SELENOI: variants seen among roughly 807,000 people sequenced by gnomAD.
The protein encoded by SELENOI is selenoprotein I, also known as ethanolaminephosphotransferase 1.
Under a neutral mutation model 50.7 loss-of-function variants are expected in SELENOI, and 24 were observed. The observed-to-expected ratio is 0.47, with a 90% confidence interval of 0.34 to 0.67. The LOEUF (loss-of-function observed/expected upper bound fraction) is 0.67. Among genes scored for constraint, SELENOI ranks in the 30% least tolerant of loss-of-function variants. The pLI, the probability that SELENOI is intolerant of heterozygous loss-of-function variation, is 0.01. For missense variants in SELENOI, 352 were observed against 461.4 expected (o/e 0.76, Z 2.17); for synonymous variants, 155 against 170.2 (o/e 0.91, Z 0.70).
intron 1 of SELENOI, among the ~76,000 whole-genome samples, chr2:26,360,757 T>C (rs1366338732): frequency 6.6e-6 from 1 of 152,052 alleles, no homozygotes; most frequent in Non-Finnish European, 1.5e-5. Context: ...AGTAAAGGAG[T>C]GTAGGGCCCT....
intron 9 of SELENOI, among the ~76,000 whole-genome samples, chr2:26,386,952 G>A (rs1007267411): frequency 7.9e-5 from 12 of 152,072 alleles, no homozygotes; most frequent in African/African-American, 2.4e-4. Flanking sequence ...ACAAAATTTG[G>A]AAAGAAATGT....
chr2:26,377,692 C>T (rs1474471118), intron 6 of SELENOI, among the ~76,000 whole-genome samples: 2 of 151,616 alleles, frequency 1.3e-5, no homozygotes, highest in African/African-American at 4.8e-5. Context: ...TTTAAACTTT[C>T]TATTTCTCTG....
chr2:26,381,488 G>A (rs1460384967), intron 6 of SELENOI, among the ~76,000 whole-genome samples: 1 of 151,864 alleles, frequency 6.6e-6, no homozygotes, highest in Non-Finnish European at 1.5e-5. Context: ...CTTTCTACAT[G>A]CTCACTATAC....
chr2:26,386,251 G>A (rs933654339), intron 8 of SELENOI, 103 bp from the exon 9 acceptor site: 1 of 1,136,514 alleles, frequency 8.8e-7, no homozygotes, highest in Admixed American at 2.3e-5. Context: ...TGTTGGTTCA[G>A]GTACTTGAAT....
In SELENOI at chr2:26,389,267, T is replaced by A; in HGVS notation, c.*164T>A. 1 of 586,298 alleles carries A rather than the reference T, an allele frequency of 1.7e-6. No homozygotes were observed. The allele number at this position is 586,298 out of a possible 1,614,324, so 36.3% of individuals were successfully genotyped here. ...ATCTGAACTTGGGAAATTTTGGACC[T>A]ACTAACTCTAAGCCTATTTTATTTT... On this transcript the variant is annotated 3_prime_UTR_variant, in exon 10 of 10. Coordinates refer to ENST00000260585, the MANE Select transcript of SELENOI (RefSeq NM_033505.4).
intron 4 of SELENOI, among the ~76,000 whole-genome samples, chr2:26,371,338 G>GAT (rs1332323507): frequency 6.6e-6 from 1 of 152,042 alleles, no homozygotes; most frequent in Non-Finnish European, 1.5e-5. Flanking sequence ...CATCCCAGAC[G>GAT]GGGCGGCGGG....
chr2:26,385,566 G>T (rs771039644), intron 8 of SELENOI, among the ~76,000 whole-genome samples: 2 of 152,152 alleles, frequency 1.3e-5, no homozygotes, highest in East Asian at 3.8e-4. Context: ...GATTAAGAAC[G>T]TGGAATTTAA....
chr2:26,346,896 C>A (rs1456550166), intron 1 of SELENOI: 1 of 152,246 alleles, frequency 6.6e-6, no homozygotes. Flanking sequence ...AGTCAGATTT[C>A]TTTATTTCGT....
intron 1 of SELENOI, among the ~76,000 whole-genome samples, chr2:26,354,783 G>A (rs1677033223): frequency 6.6e-6 from 1 of 152,154 alleles, no homozygotes; most frequent in Admixed American, 6.5e-5. Flanking sequence ...TACGCAGATG[G>A]GGAAAATGTA....
intron 5 of SELENOI, 119 bp from the exon 6 acceptor site, chr2:26,374,921 C>A: frequency 1.5e-6 from 1 of 661,894 alleles, no homozygotes; most frequent in Non-Finnish European, 2.7e-6. Context: ...CAAATATAAG[C>A]ATACTTCTTG....
In SELENOI at chr2:26,347,619, G is replaced by T. The variant is rs115108631; in HGVS notation, c.57+1330G>T. Among the ~76,000 whole-genome samples, 576 of 152,248 alleles carry T rather than the reference G, an allele frequency of 3.8e-3. 5 individuals are homozygous for T. Among genetic ancestry groups the T allele is most frequent in the African/African-American group, 0.013 (552 of 41,538 alleles). On this transcript the variant is annotated intron_variant, in intron 1 of 9. Transcript: ENST00000260585. ...TTTTCAACTTTCATTTTAGAAGGCT[G>T]TTAACCCAGATACCTCCTGTTTTGC...
At chr2:26,376,125 A>G (rs1677563235) in intron 6 of SELENOI, among the ~76,000 whole-genome samples, 1 of 151,910 alleles carries the variant, frequency 6.6e-6, no homozygotes, top group South Asian at 2.1e-4. Flanking sequence ...AATAAAAAAT[A>G]ACCCTTTCCC....
chr2:26,370,986 C>T (rs1357649249), intron 4 of SELENOI, among the ~76,000 whole-genome samples: 2 of 141,272 alleles, frequency 1.4e-5, no homozygotes, highest in East Asian at 4.4e-4. Flanking sequence ...GGCTGACCCC[C>T]CCACCTCCCT....
chr2:26,371,860 A>C (rs1237159969), intron 4 of SELENOI, among the ~76,000 whole-genome samples: 1 of 152,038 alleles, frequency 6.6e-6, no homozygotes, highest in African/African-American at 2.4e-5. Context: ...GGGGAGAGGG[A>C]AACCATGGGG....
At chr2:26,381,671 A>G (rs1677705782) in intron 6 of SELENOI, among the ~76,000 whole-genome samples, 1 of 152,166 alleles carries the variant, frequency 6.6e-6, no homozygotes, top group Non-Finnish European at 1.5e-5. Context: ...GTAAGCTGCT[A>G]AAAATTTCTG....
rs554760867 is a variant in SELENOI, at chr2:26,390,330, AACTTT to A, written c.*1232_*1236del. The A allele has an allele frequency of 7.6e-4, 116 of 152,340 alleles. No homozygotes were observed. Among genetic ancestry groups the A allele is most frequent in the Non-Finnish European group, 1.2e-3 (79 of 67,952 alleles). 9.4% of individuals were successfully genotyped at this position (152,340 alleles called of 1,614,324 possible). On this transcript the variant is annotated 3_prime_UTR_variant, in exon 10 of 10. Transcript: ENST00000260585. ...GTCTTCATTTAATTTGGTGGTGGTG[AACTTT>A]ACTTGCTGATTTTCTTTTATTTTTC...
chr2:26,354,560 GT>G (rs35225513), intron 1 of SELENOI, among the ~76,000 whole-genome samples: 3,169 of 141,730 alleles, frequency 0.022, 97 homozygotes, highest in East Asian at 0.095. Context: ...CTAATTTTTT[GT>G]TTTTTTTTTT....
In SELENOI at chr2:26,394,383, A is replaced by G. The variant is rs369178115; in HGVS notation, c.*5280A>G. 2.6e-5 allele frequency: 4 copies of G among 152,244 alleles called. No homozygotes were observed. The East Asian group carries it at 7.7e-4, about 29-fold the overall frequency. The allele number at this position is 152,244 out of a possible 1,614,324, so 9.4% of individuals were successfully genotyped here. On this transcript the variant is annotated 3_prime_UTR_variant, in exon 10 of 10. Coordinates refer to ENST00000260585, the MANE Select transcript of SELENOI (RefSeq NM_033505.4). The surrounding 1 kb of genome is among the most constrained non-coding windows in gnomAD (Gnocchi z 4.1). ...ACTCCAGCCAGAGTGACAGAGCAAGACTCCATCTCAAAAAATAATAATAAA... is the reference window on the plus strand; with the variant it reads ...ACTCCAGCCAGAGTGACAGAGCAAGGCTCCATCTCAAAAAATAATAATAAA...
rs1204937507 is a variant in SELENOI, at chr2:26,389,028, T to C, written c.1119T>C (p.Phe373=). The C allele has an allele frequency of 1.9e-6, 3 of 1,589,294 alleles. No homozygotes were observed. Among genetic ancestry groups the C allele is most frequent in the Non-Finnish European group, 2.6e-6 (3 of 1,166,502 alleles). Residue 373 remains phenylalanine, a synonymous_variant, in exon 10 of 10, where the codon TTT becomes TTC. Transcript: ENST00000260585. Reference sequence around the variant, plus strand: ...AGGTAAAGCAGCTGAGCAGCCATTTTCAGATTTACCCCTTCTCATTGAGGA... The same window carrying C: ...AGGTAAAGCAGCTGAGCAGCCATTTCCAGATTTACCCCTTCTCATTGAGGA... ...VRVVKQLSSH[F]QIYPFSLRKP...
Sources: allele counts gnomAD v4.1 joint callset (sites outside exome capture counted in the v4.1 genomes callset), GRCh38; gene constraint gnomAD v4.1.1; non-coding constraint Gnocchi (gnomAD v3.1); transcripts MANE v1.5; gene names NCBI Gene and HGNC (gene_info 2026-07-23, HGNC 2026-07-21).